Variants in MAP3K5 observed in about 807,000 individuals in gnomAD.
MAP3K5 encodes the protein ASK-1.
In MAP3K5, 56 loss-of-function variants were observed where a neutral mutation model predicts 158.7. The observed-to-expected ratio is 0.35, with a 90% CI of 0.28 to 0.44. The LOEUF is 0.44. Among genes scored for constraint, MAP3K5 ranks in the 20% least tolerant of loss-of-function variants. The pLI, the probability that MAP3K5 is intolerant of heterozygous loss-of-function variation, is 1.00. For missense variants in MAP3K5, 1,294 were observed against 1,674.8 expected, an observed-to-expected ratio of 0.77 and a Z score of 3.97; for synonymous variants, 579 against 601.7, an observed-to-expected ratio of 0.96 and a Z score of 0.55.
At chr6:136,636,371 A>C (rs1384063523) in intron 14 of MAP3K5, among the ~76,000 whole-genome samples, 1 of 152,184 alleles carries the variant, frequency 6.6e-6, no homozygotes, top group African/African-American at 2.4e-5. Flanking sequence ...ATAAGAAAAT[A>C]AATGTCTACT....
intron 1 of MAP3K5, among the ~76,000 whole-genome samples, chr6:136,772,046 C>A (rs1268219395): frequency 6.7e-6 from 1 of 149,332 alleles, no homozygotes; most frequent in Non-Finnish European, 1.5e-5. Context: ...CTAGCTGGGA[C>A]TACAGGCGTG....
intron 7 of MAP3K5, among the ~76,000 whole-genome samples, chr6:136,689,359 T>A (rs1312521045): frequency 6.6e-6 from 1 of 152,128 alleles, no homozygotes; most frequent in African/African-American, 2.4e-5. Flanking sequence ...CTCTTAGCAG[T>A]GTAATAAAAA....
chr6:136,594,116 A>C (rs543412820), intron 21 of MAP3K5, among the ~76,000 whole-genome samples: 15 of 152,262 alleles, frequency 9.9e-5, no homozygotes, highest in Non-Finnish European at 2.2e-4. Context: ...AGCCACAAAG[A>C]GTTGCTGAAT....
chr6:136,792,837 C>G (rs941829060), upstream of MAP3K5, among the ~76,000 whole-genome samples: 17 of 152,348 alleles, frequency 1.1e-4, no homozygotes, highest in African/African-American at 4.1e-4. The surrounding 1 kb of genome is among the most constrained non-coding windows in gnomAD (Gnocchi z 5.7). Flanking sequence ...TGCAGACGCT[C>G]TCCCTCTCCA....
At chr6:136,566,485 A>G (rs1262855281) in intron 26 of MAP3K5, among the ~76,000 whole-genome samples, 4 of 152,202 alleles carry the variant, frequency 2.6e-5, no homozygotes, top group African/African-American at 9.6e-5. Context: ...GACACCTTCC[A>G]TAACGATGGG....
chr6:136,579,210 C>A (rs2129074495), intron 25 of MAP3K5, among the ~76,000 whole-genome samples: 1 of 152,110 alleles, frequency 6.6e-6, no homozygotes, highest in East Asian at 1.9e-4. Context: ...TACCTACATA[C>A]TCATCCATGC....
chr6:136,617,435 G>T (rs559690976), intron 15 of MAP3K5, among the ~76,000 whole-genome samples: 1 of 152,042 alleles, frequency 6.6e-6, no homozygotes, highest in African/African-American at 2.4e-5. Flanking sequence ...CATAGGTATC[G>T]CCAGACATCC....
At chr6:136,669,874 C>T (rs373445117) in intron 7 of MAP3K5, among the ~76,000 whole-genome samples, 10 of 142,748 alleles carry the variant, frequency 7.0e-5, no homozygotes, top group African/African-American at 2.5e-4. Flanking sequence ...ACTTGGAAGC[C>T]ATCATTCAGG....
At chr6:136,704,112 G>A (rs545545146) in intron 3 of MAP3K5, among the ~76,000 whole-genome samples, 2 of 151,440 alleles carry the variant, frequency 1.3e-5, no homozygotes, top group South Asian at 4.2e-4. Context: ...CTGTGTGGAG[G>A]GTAGGAATTC....
intron 24 of MAP3K5, among the ~76,000 whole-genome samples, chr6:136,581,244 C>T (rs572174987): frequency 2.6e-5 from 4 of 152,322 alleles, no homozygotes; most frequent in Admixed American, 2.6e-4. Flanking sequence ...GTTTGTTTCA[C>T]TTGGCATAAC....
At chr6:136,582,236 G>C (rs1774914926) in intron 24 of MAP3K5, among the ~76,000 whole-genome samples, 1 of 151,622 alleles carries the variant, frequency 6.6e-6, no homozygotes. Context: ...GCAAGAGCAG[G>C]CGTGTATGTG....
chr6:136,730,789 G>A (rs1482996800), intron 1 of MAP3K5, among the ~76,000 whole-genome samples: 1 of 151,302 alleles, frequency 6.6e-6, no homozygotes, highest in East Asian at 1.9e-4. Context: ...TGTAGATGAG[G>A]TTGTCAACTT....
intron 3 of MAP3K5, among the ~76,000 whole-genome samples, chr6:136,700,038 C>T (rs1780776989): frequency 6.6e-6 from 1 of 152,116 alleles, no homozygotes; most frequent in Admixed American, 6.5e-5. Flanking sequence ...TGCGCCACTG[C>T]ACTCCAGCCT....
intron 11 of MAP3K5, among the ~76,000 whole-genome samples, chr6:136,648,792 C>T (rs1025280530): frequency 1.3e-5 from 2 of 152,104 alleles, no homozygotes; most frequent in Admixed American, 6.5e-5. Flanking sequence ...GGATCTGTCC[C>T]AGCTGATTTG....
In MAP3K5 at chr6:136,557,636, T is replaced by A; in HGVS notation, c.*122A>T. The A allele has an allele frequency of 5.1e-6, 3 of 587,378 alleles. No individual in the cohort carries two copies. 36.4% of individuals were successfully genotyped at this position (587,378 alleles called of 1,614,324 possible). A position where few individuals can be genotyped will look rare whatever the true frequency, so the allele number is the denominator to read the frequency against. ...CTGTTTTTTTTTTTTTTAACATGAG[T>A]AAACAAATACTGGATTTAAAGTGCA... On this transcript the variant is annotated 3_prime_UTR_variant, in exon 30 of 30. Coordinates refer to ENST00000359015, the MANE Select transcript of MAP3K5 (RefSeq NM_005923.4).
intron 1 of MAP3K5, among the ~76,000 whole-genome samples, chr6:136,751,705 C>A (rs1783216577): frequency 6.6e-6 from 1 of 152,044 alleles, no homozygotes; most frequent in South Asian, 2.1e-4. Context: ...TTTTTCTGGC[C>A]CAGAGTATGA....
intron 1 of MAP3K5, among the ~76,000 whole-genome samples, chr6:136,749,288 G>A (rs925239542): frequency 1.3e-5 from 2 of 151,488 alleles, no homozygotes; most frequent in Non-Finnish European, 2.9e-5. Context: ...TAGGAGAATC[G>A]CTTGAACCTG....
chr6:136,675,943 A>C (rs1779685387), intron 7 of MAP3K5, among the ~76,000 whole-genome samples: 1 of 152,244 alleles, frequency 6.6e-6, no homozygotes, highest in South Asian at 2.1e-4. Flanking sequence ...CAGATGATAG[A>C]GCATTAAAAG....
intron 1 of MAP3K5, among the ~76,000 whole-genome samples, chr6:136,766,686 C>A (rs985246658): frequency 1.4e-4 from 21 of 152,168 alleles, no homozygotes; most frequent in African/African-American, 5.1e-4. Context: ...CATATCAGAT[C>A]AACATAAAAC....
Sources: gnomAD v4.1 joint callset for allele counts (sites outside exome capture counted in the v4.1 genomes callset) on GRCh38, gnomAD v4.1.1 for gene constraint, Gnocchi (gnomAD v3.1) non-coding constraint, MANE v1.5 for transcripts, NCBI Gene and HGNC (gene_info 2026-07-23, HGNC 2026-07-21) for gene names.